Variants in PDE8B observed in about 807,000 individuals in gnomAD.
PDE8B encodes phosphodiesterase 8B.
A neutral mutation model predicts 101.3 loss-of-function variants in PDE8B; 26 were observed. That is an observed-to-expected ratio of 0.26 (90% CI 0.19 to 0.36). The LOEUF is 0.36. Among genes scored for constraint, PDE8B ranks in the 10% least tolerant of loss-of-function variants. The pLI, the probability that PDE8B is intolerant of heterozygous loss-of-function variation, is 1.00. For synonymous variants in PDE8B, 424 were observed against 429.3 expected (o/e 0.99, Z 0.15); for missense variants, 810 against 1,163.1 (o/e 0.70, Z 4.42).
At chr5:77,180,224 G>C in the PDE8B span, among the ~76,000 whole-genome samples, 1,145 of 152,312 alleles carry the variant, frequency 7.5e-3, 23 homozygotes, top group African/African-American at 0.026. Context: ...CACACCCCGG[G>C]AGGGGCGCTA....
chr5:77,173,353 A>G, the PDE8B span, among the ~76,000 whole-genome samples: 1 of 152,204 alleles, frequency 6.6e-6, no homozygotes, highest in Non-Finnish European at 1.5e-5. Context: ...AAGATCTCAG[A>G]AAGTTACTGA....
the PDE8B span, among the ~76,000 whole-genome samples, chr5:77,094,833 A>G: frequency 6.6e-6 from 1 of 152,116 alleles, no homozygotes; most frequent in African/African-American, 2.4e-5. Flanking sequence ...TTTAACAACC[A>G]GATCTGGAGG....
the PDE8B span, among the ~76,000 whole-genome samples, chr5:77,185,008 A>G: frequency 7.6e-4 from 116 of 152,270 alleles, no homozygotes; most frequent in African/African-American, 2.3e-3. Context: ...TGCAGTCTTG[A>G]TGGTCCTATG....
At chr5:77,389,553 C>T (rs1007365397) in intron 10 of PDE8B, among the ~76,000 whole-genome samples, 1 of 152,154 alleles carries the variant, frequency 6.6e-6, no homozygotes, top group Admixed American at 6.6e-5. Flanking sequence ...TGAGTTTTGA[C>T]AAAGCATATA....
chr5:77,183,982 A>ATTTT, the PDE8B span, among the ~76,000 whole-genome samples: 4 of 132,020 alleles, frequency 3.0e-5, no homozygotes, highest in African/African-American at 1.2e-4. Flanking sequence ...TTTTTTTTTA[A>ATTTT]AAAAAAACAG....
At chr5:77,369,678 C>T (rs1784743199) in intron 10 of PDE8B, among the ~76,000 whole-genome samples, 1 of 152,194 alleles carries the variant, frequency 6.6e-6, no homozygotes, top group South Asian at 2.1e-4. Flanking sequence ...AACTGATACT[C>T]AGAGAGCAGT....
chr5:77,100,220 G>A, the PDE8B span: 1 of 152,172 alleles, frequency 6.6e-6, no homozygotes, highest in Admixed American at 6.5e-5. Flanking sequence ...GCCATCTCAC[G>A]TTTTTCCTCT....
chr5:77,329,081 A>G, intron 4 of PDE8B, 24 bp downstream of exon 4: 2 of 1,572,804 alleles, frequency 1.3e-6, no homozygotes, highest in Non-Finnish European at 1.8e-6. Context: ...CCATTCCCAG[A>G]TGGAAGGAGT....
intron 10 of PDE8B, among the ~76,000 whole-genome samples, chr5:77,396,857 G>T (rs398509): frequency 0.84 from 127,146 of 151,748 alleles, 53,669 homozygotes; most frequent in African/African-American, 0.94. Flanking sequence ...ACTTTAACTC[G>T]TAGTAACCCT....
At chr5:77,395,230 C>T (rs1220098125) in intron 10 of PDE8B, among the ~76,000 whole-genome samples, 1 of 151,326 alleles carries the variant, frequency 6.6e-6, no homozygotes, top group Non-Finnish European at 1.5e-5. Context: ...CATTCTCCTG[C>T]CTCAGCCTCC....
rs558709086 is a variant in PDE8B at position 77,350,958 on chromosome 5, G to A, written c.1018-107G>A. On this transcript the variant is annotated intron_variant, in intron 8 of 21. Transcript: ENST00000264917. ...AACAATACAGCAGGCATTGGGAAAT[G>A]TAACGAGAGCATGTGGGAATGTTCC... is the stretch of plus-strand genomic sequence containing the variant. 14 of 812,682 alleles carry A rather than the reference G, an allele frequency of 1.7e-5. No homozygotes were observed. In the East Asian group the frequency reaches 2.7e-4, roughly 16 times the overall value. The allele number at this position is 812,682 out of a possible 1,614,324, so 50.3% of individuals were successfully genotyped here.
the PDE8B span, among the ~76,000 whole-genome samples, chr5:77,200,620 C>A: frequency 6.6e-6 from 1 of 152,036 alleles, no homozygotes; most frequent in Admixed American, 6.6e-5. Flanking sequence ...TTTGCAATAT[C>A]TTACTACGTG....
chr5:77,290,496 A>G (rs745417902), intron 1 of PDE8B: 22 of 1,466,524 alleles, frequency 1.5e-5, no homozygotes, highest in Non-Finnish European at 2.0e-5. Flanking sequence ...CTGGGCAGAT[A>G]TTCCTGCTCC....
intron 1 of PDE8B, among the ~76,000 whole-genome samples, chr5:77,281,232 G>A (rs371319650): frequency 3.9e-5 from 6 of 152,184 alleles, no homozygotes; most frequent in African/African-American, 1.4e-4. Flanking sequence ...AGTGGCTGTG[G>A]TACTGAGAGG....
intron 6 of PDE8B, among the ~76,000 whole-genome samples, chr5:77,341,997 C>A (rs1561552684): frequency 6.6e-6 from 1 of 152,194 alleles, no homozygotes; most frequent in Admixed American, 6.6e-5. Context: ...TACCTTCTCA[C>A]ACTGATATCT....
intron 10 of PDE8B, among the ~76,000 whole-genome samples, chr5:77,386,865 C>CTTTTTTTGTTTTT (rs1788756366): frequency 2.0e-5 from 1 of 51,060 alleles, no homozygotes; most frequent in East Asian, 8.0e-4. Flanking sequence ...GATGTAGTTT[C>CTTTTTTTGTTTTT]TTTTTTTTTT....
chr5:77,167,217 T>C, the PDE8B span, among the ~76,000 whole-genome samples: 8 of 152,220 alleles, frequency 5.3e-5, no homozygotes, highest in African/African-American at 1.9e-4. Context: ...TTAACAGTTA[T>C]TGGTGTATTC....
chr5:77,209,047 C>A (rs1747755164), upstream of PDE8B, among the ~76,000 whole-genome samples: 1 of 152,154 alleles, frequency 6.6e-6, no homozygotes, highest in Non-Finnish European at 1.5e-5. Context: ...CTCCCTCTGC[C>A]TGCTAAACAC....
the PDE8B span, among the ~76,000 whole-genome samples, chr5:77,175,565 C>T: frequency 2.0e-5 from 3 of 152,326 alleles, no homozygotes; most frequent in East Asian, 5.8e-4. Flanking sequence ...CTCTCTATTA[C>T]AGTAAGTTGT....
Sources: allele counts gnomAD v4.1 joint callset (sites outside exome capture counted in the v4.1 genomes callset), GRCh38; gene constraint gnomAD v4.1.1; transcripts MANE v1.5; gene names NCBI Gene and HGNC (gene_info 2026-07-23, HGNC 2026-07-21).